Variants in TSNARE1 observed in about 807,000 individuals in gnomAD.
TSNARE1 encodes the protein t-SNARE domain containing 1.
TSNARE1 carries 49 observed loss-of-function variants against 62.0 expected under a neutral mutation model. The observed-to-expected ratio is 0.79, with a 90% confidence interval of 0.63 to 1.00. The LOEUF (loss-of-function observed/expected upper bound fraction) is 1.00, where lower values mean the gene tolerates loss of function less well. Among genes scored for constraint, TSNARE1 ranks in the 50% least tolerant of loss-of-function variants. TSNARE1 has a pLI of 0.00. For missense variants in TSNARE1, 755 were observed against 700.1 expected (o/e 1.08, Z -0.88); for synonymous variants, 328 against 294.4 (o/e 1.11, Z -1.17).
intron 1 of TSNARE1, among the ~76,000 whole-genome samples, chr8:142,395,265 C>T (rs190942609): frequency 3.3e-4 from 51 of 152,268 alleles, no homozygotes; most frequent in African/African-American, 1.2e-3. Context: ...GCCCAAGCCA[C>T]GCAGAGCCAC....
chr8:142,290,512 G>A (rs968672855), intron 10 of TSNARE1, among the ~76,000 whole-genome samples: 2 of 152,234 alleles, frequency 1.3e-5, no homozygotes, highest in African/African-American at 4.8e-5. Flanking sequence ...GTGTGTGCCT[G>A]TGTGTTCCCT....
chr8:142,322,281 A>G (rs1563910866), intron 6 of TSNARE1, among the ~76,000 whole-genome samples: 1 of 152,232 alleles, frequency 6.6e-6, no homozygotes, highest in Non-Finnish European at 1.5e-5. Flanking sequence ...AACCTGATAC[A>G]GAGAGGCTGT....
chr8:142,406,995 A>G (rs1397261728), upstream of TSNARE1: 2 of 152,258 alleles, frequency 1.3e-5, no homozygotes, highest in East Asian at 3.8e-4. Flanking sequence ...AGGAGTGACA[A>G]AAAGAAAAAT....
intron 13 of TSNARE1, among the ~76,000 whole-genome samples, chr8:142,226,975 G>A (rs79572093): frequency 0.1 from 8,083 of 77,714 alleles, 368 homozygotes; most frequent in African/African-American, 0.23. Flanking sequence ...ACACGGCAGT[G>A]ACAGCAAGGC....
chr8:142,299,717 C>T (rs1825389361), intron 10 of TSNARE1, among the ~76,000 whole-genome samples: 1 of 152,130 alleles, frequency 6.6e-6, no homozygotes, highest in African/African-American at 2.4e-5. Flanking sequence ...CTCACGCACG[C>T]ACTCACATGC....
chr8:142,344,404 T>G lies in TSNARE1; in HGVS notation c.307A>C (p.Lys103Gln). 2 of 1,588,528 alleles carry G rather than the reference T, an allele frequency of 1.3e-6. No homozygotes were observed. The highest frequency in any genetic ancestry group is 1.7e-6 in the Non-Finnish European group (2 of 1,168,758). The change falls in exon 4 of 14, where the codon AAG becomes CAG. Residue 103 changes from lysine (K) to glutamine (Q), a missense_variant. By Grantham distance (53) the Lys-to-Gln change is moderately conservative (BLOSUM62 1). Transcript: ENST00000524325. ...CCATGGGGCCCAGCAGCCGAGTCCT[T>G]CCTCGGGCCAATGGTGGGTGATGAG... The part of the protein sequence containing the change: ...PTSSPTIGPR[K>Q]DSAAGPHGRM...
chr8:142,243,529 T>C (rs953227133), intron 12 of TSNARE1, among the ~76,000 whole-genome samples: 9 of 149,764 alleles, frequency 6.0e-5, no homozygotes, highest in Non-Finnish European at 1.0e-4. Flanking sequence ...ATCTCACTTA[T>C]ACGTAAAATC....
chr8:142,236,577 T>C (rs935994797), intron 12 of TSNARE1, among the ~76,000 whole-genome samples: 2 of 148,422 alleles, frequency 1.3e-5, no homozygotes, highest in Non-Finnish European at 3.0e-5. Context: ...CTCCTTACAC[T>C]GGAGGCTGAA....
At chr8:142,330,858 G>A in intron 6 of TSNARE1, 43 bp downstream of exon 6, 1 of 1,603,942 alleles carries the variant, frequency 6.2e-7, no homozygotes. Context: ...CCCCCAATGT[G>A]CACCACGCCC....
intron 9 of TSNARE1, among the ~76,000 whole-genome samples, chr8:142,306,662 T>TC (rs1285376572): frequency 6.6e-6 from 1 of 151,920 alleles, no homozygotes; most frequent in Non-Finnish European, 1.5e-5. Context: ...AGCCCCCCAG[T>TC]CCCCCCACAT....
intron 12 of TSNARE1, among the ~76,000 whole-genome samples, chr8:142,266,971 T>A (rs1819165353): frequency 6.6e-6 from 1 of 152,230 alleles, no homozygotes; most frequent in Non-Finnish European, 1.5e-5. Context: ...ATCCACAAAG[T>A]TCTTCATTTC....
At chr8:142,380,073 A>T (rs1836624399) in intron 1 of TSNARE1, among the ~76,000 whole-genome samples, 1 of 152,102 alleles carries the variant, frequency 6.6e-6, no homozygotes, top group Non-Finnish European at 1.5e-5. Context: ...GGTCACAACA[A>T]CAACAATAAG....
intron 1 of TSNARE1, among the ~76,000 whole-genome samples, chr8:142,392,274 G>A (rs991648384): frequency 2.0e-5 from 3 of 152,026 alleles, no homozygotes; most frequent in African/African-American, 4.8e-5. Flanking sequence ...CACCCACCTC[G>A]GCCTCCCAAA....
chr8:142,402,973 C>G (rs1023358391), intron 1 of TSNARE1, 131 bp downstream of exon 1: 2 of 150,614 alleles, frequency 1.3e-5, no homozygotes, highest in African/African-American at 2.4e-5. Context: ...CCCGGCCTCC[C>G]GCAAGCCCCA....
At chr8:142,392,351 A>G (rs893534814) in intron 1 of TSNARE1, among the ~76,000 whole-genome samples, 6 of 152,054 alleles carry the variant, frequency 3.9e-5, no homozygotes, top group African/African-American at 1.4e-4. Flanking sequence ...AAAGGAGTAC[A>G]CTCTAAAATA....
intron 12 of TSNARE1, among the ~76,000 whole-genome samples, chr8:142,256,218 CATCACT>C (rs1440773046): frequency 1.5e-5 from 2 of 137,904 alleles, no homozygotes; most frequent in Admixed American, 7.3e-5. Flanking sequence ...TCACCATCAC[CATCACT>C]ATCACCACCA....
Position 142,344,312 on chromosome 8 carries a change from G to C in TSNARE1, c.399C>G (p.Thr133=). The stretch of plus-strand genomic sequence containing the variant: ...TGCTCACCTTGGACACCAGCACCTC[G>C]GTCTCCTGCGGGCAGAAGTTGGGCT... The part of the protein sequence containing the change: ...KRKPNFCPQE[T]EVLVSKVSKH... Residue 133 remains threonine, a synonymous_variant, in exon 4 of 14, where the codon ACC becomes ACG. Transcript: ENST00000524325. The C allele has an allele frequency of 6.3e-7, 1 of 1,591,962 alleles. No individual in the cohort carries two copies. Among genetic ancestry groups the C allele is most frequent in the Non-Finnish European group, 8.6e-7 (1 of 1,165,572 alleles).
At position 142,279,827 on chromosome 8, in the gene TSNARE1, C is replaced by CG. The variant is rs902094088; in HGVS notation, c.1363+4585dup. 2.1e-4 allele frequency: 211 copies of CG among 1,005,418 alleles called. 1 individual carries two copies. The highest frequency in any genetic ancestry group is 4.2e-4 in the Admixed American group (7 of 16,484). 62.3% of individuals were successfully genotyped at this position (1,005,418 alleles called of 1,614,324 possible). A position where few individuals can be genotyped will look rare whatever the true frequency, so the allele number is the denominator to read the frequency against. ...CTGCTTGCCCCAGGGCAGTGTGGTC[C>CG]GGGGGGGCGGGCTGTGGGGAAGGCC... On this transcript the variant is annotated intron_variant, in intron 11 of 13. Coordinates refer to ENST00000524325, the MANE Select transcript of TSNARE1 (RefSeq NM_145003.5).
At chr8:142,382,439 T>C (rs1442500300) in intron 1 of TSNARE1, among the ~76,000 whole-genome samples, 1 of 152,106 alleles carries the variant, frequency 6.6e-6, no homozygotes, top group Non-Finnish European at 1.5e-5. Context: ...CTGCCGGCAC[T>C]GCCCGCCAGT....
Sources: gnomAD v4.1 joint callset for allele counts (sites outside exome capture counted in the v4.1 genomes callset) on GRCh38, gnomAD v4.1.1 for gene constraint, MANE v1.5 for transcripts, NCBI Gene and HGNC (gene_info 2026-07-23, HGNC 2026-07-21) for gene names.